Variants in RABL6 observed in about 807,000 individuals in gnomAD.
RABL6 encodes rab-like protein 6.
A neutral mutation model predicts 72.9 loss-of-function variants in RABL6; 28 were observed. The observed-to-expected ratio is 0.38, with a 90% CI of 0.28 to 0.53. The LOEUF (loss-of-function observed/expected upper bound fraction) is 0.53, where lower values mean the gene tolerates loss of function less well. RABL6 is among the 20% of genes least tolerant of loss of function. RABL6 has a pLI of 0.80. For missense variants in RABL6, 1,029 were observed against 1,008.4 expected (o/e 1.02, Z -0.28); for synonymous variants, 477 against 421.2 (o/e 1.13, Z -1.62).
chr9:136,839,265 A>T lies in RABL6; in HGVS notation c.1537A>T (p.Thr513Ser). ...GAAGCCACGGAGGGGGACAGCTCCC[A>T]CGAGGACCGCAGCACCCCCCTGGCC... ...ASKPRRGTAPTRTAAPPWPGG... is the reference protein window; with the variant it reads ...ASKPRRGTAPSRTAAPPWPGG... Residue 513 changes from threonine (T) to serine (S), a missense_variant, in exon 12 of 15, where the codon ACG becomes TCG. Transcript: ENST00000311502. 1 of 1,606,956 alleles carries T rather than the reference A, an allele frequency of 6.2e-7. No homozygotes were observed. The highest frequency in any genetic ancestry group is 8.5e-7 in the Non-Finnish European group (1 of 1,177,294).
chr9:136,840,408 G>T lies in RABL6; in HGVS notation c.2076G>T (p.Gln692His), dbSNP rs1322975964. ...GCAAGGAGGAGCGGCGACGGCGGCA[G>T]CAGCGGCCCCCGCGCAGCAGGGAGA... is the stretch of plus-strand genomic sequence containing the variant. ...EEGKEERRRR[Q>H]QRPPRSRERT... The change falls in exon 15 of 15, where the codon CAG (glutamine) becomes CAT (histidine). Residue 692 changes from glutamine (Q) to histidine (H), a missense_variant. Coordinates refer to ENST00000311502, the MANE Select transcript of RABL6 (RefSeq NM_024718.5). 1.9e-6 allele frequency: 3 copies of T among 1,550,710 alleles called. No homozygotes were observed. Among genetic ancestry groups the T allele is most frequent in the Non-Finnish European group, 2.6e-6 (3 of 1,147,190 alleles).
chr9:136,813,498 G>A (rs1003578694), intron 1 of RABL6: 3 of 455,138 alleles, frequency 6.6e-6, no homozygotes, highest in African/African-American at 6.1e-5. Flanking sequence ...ATCCATCTCT[G>A]TTCCCTGCGT....
chr9:136,821,945 C>A, intron 1 of RABL6: 2 of 1,288,940 alleles, frequency 1.6e-6, no homozygotes, highest in South Asian at 2.5e-5. Context: ...TGCCGCAGCG[C>A]TGGCCGGCGC....
chr9:136,818,055 C>T (rs1286322482), intron 1 of RABL6, among the ~76,000 whole-genome samples: 25 of 111,426 alleles, frequency 2.2e-4, no homozygotes, highest in Non-Finnish European at 4.0e-4. Context: ...GAACAAGACT[C>T]CATCTCAAAA....
At chr9:136,823,885 C>T (rs760834195) in intron 2 of RABL6, among the ~76,000 whole-genome samples, 1 of 152,230 alleles carries the variant, frequency 6.6e-6, no homozygotes, top group African/African-American at 2.4e-5. Context: ...GGAGGCTCAG[C>T]TTGGGGCAGC....
At chr9:136,828,337 C>T (rs1848400398) in intron 3 of RABL6, 157 bp from the exon 4 acceptor site, 2 of 701,282 alleles carry the variant, frequency 2.9e-6, no homozygotes, top group African/African-American at 3.6e-5. Flanking sequence ...TCCTGCTGCT[C>T]CAGAGCTTGT....
chr9:136,837,724 T>A, intron 9 of RABL6, 62 bp downstream of exon 9: 1 of 1,542,222 alleles, frequency 6.5e-7, no homozygotes, highest in Non-Finnish European at 8.8e-7. Context: ...ACAGGTGGGG[T>A]CCTGGATTTC....
intron 1 of RABL6, among the ~76,000 whole-genome samples, chr9:136,819,094 G>A (rs988136884): frequency 2.0e-5 from 3 of 151,930 alleles, no homozygotes; most frequent in Non-Finnish European, 2.9e-5. Flanking sequence ...AGGCCAAGGC[G>A]AGTGGATCAC....
intron 1 of RABL6, among the ~76,000 whole-genome samples, chr9:136,817,624 G>GAGGTC (rs1848147990): frequency 2.2e-5 from 2 of 92,042 alleles, no homozygotes; most frequent in Admixed American, 2.4e-4. Flanking sequence ...TGAGGTCTCT[G>GAGGTC]TCTGATGAGC....
At chr9:136,810,690 G>C (rs763989686) in intron 1 of RABL6, among the ~76,000 whole-genome samples, 7 of 151,972 alleles carry the variant, frequency 4.6e-5, no homozygotes, top group Non-Finnish European at 1.0e-4. Flanking sequence ...TATAGGCACC[G>C]GCCACCACGC....
At chr9:136,831,220 G>A (rs558257183) in intron 5 of RABL6, among the ~76,000 whole-genome samples, 2 of 152,172 alleles carry the variant, frequency 1.3e-5, no homozygotes, top group African/African-American at 2.4e-5. Flanking sequence ...GAGACTTGCC[G>A]TCCGTGCCAG....
At position 136,839,749 on chromosome 9, in the gene RABL6, C is replaced by T; in HGVS notation, c.1814C>T (p.Pro605Leu). The change falls in exon 13 of 15, where the codon CCT (proline) becomes CTT (leucine). Residue 605 changes from proline to leucine, a missense_variant. Physicochemically the swap from Pro to Leu is moderately conservative, Grantham distance 98. Transcript: ENST00000311502. ...PSDVTDEDEG[P>L]AEPPPPPKLP... ...GATGTGACTGACGAGGATGAGGGCCCTGCCGAGCCGCCCCCACCCCCCAAG... is the reference window on the plus strand; with the variant it reads ...GATGTGACTGACGAGGATGAGGGCCTTGCCGAGCCGCCCCCACCCCCCAAG... 2 of 1,611,260 alleles carry T rather than the reference C, an allele frequency of 1.2e-6. No homozygotes were observed. The highest frequency in any genetic ancestry group is 2.2e-5 in the South Asian group (2 of 90,944).
Position 136,839,940 on chromosome 9 carries a change from C to T in RABL6, c.1930+75C>T, listed in dbSNP as rs186816931. ...CGTGGGCCTCCTCCCAGCTGCTGGC[C>T]GCTGGCCGGGGTCCTCTCCTGAGTC... On this transcript the variant is annotated intron_variant, in intron 13 of 14. Coordinates refer to ENST00000311502, the MANE Select transcript of RABL6 (RefSeq NM_024718.5). 450 of 1,539,052 alleles carry T rather than the reference C, an allele frequency of 2.9e-4. 2 individuals carry two copies. Among genetic ancestry groups the T allele is most frequent in the South Asian group, 6.4e-4 (54 of 84,796 alleles).
chr9:136,833,378 T>A, intron 7 of RABL6: 8 of 320,378 alleles, frequency 2.5e-5, no homozygotes, highest in South Asian at 1.8e-4. Flanking sequence ...GACCTGAACC[T>A]CCTTGCCTGG....
chr9:136,832,033 C>A (rs939998568), intron 6 of RABL6, 172 bp downstream of exon 6: 2 of 1,103,256 alleles, frequency 1.8e-6, no homozygotes, highest in Admixed American at 2.8e-5. Flanking sequence ...ATGGCAGGGC[C>A]GGGAACTGTG....
At chr9:136,809,835 C>G (rs1847967792) in intron 1 of RABL6, 1 of 162,500 alleles carries the variant, frequency 6.2e-6, no homozygotes, top group Admixed American at 6.3e-5. Flanking sequence ...GTAACCCAAG[C>G]ATCAAAGGAA....
intron 1 of RABL6, among the ~76,000 whole-genome samples, chr9:136,810,546 C>A (rs1209252367): frequency 6.6e-6 from 1 of 151,888 alleles, no homozygotes; most frequent in Admixed American, 6.6e-5. Context: ...CTTTTCTTTT[C>A]TTTTTTGAGA....
intron 5 of RABL6, among the ~76,000 whole-genome samples, chr9:136,831,453 C>T (rs935188984): frequency 5.9e-5 from 9 of 152,110 alleles, no homozygotes; most frequent in African/African-American, 2.2e-4. Flanking sequence ...TGAGGGAAGG[C>T]AGGGACAGGC....
intron 1 of RABL6, chr9:136,809,755 G>A (rs1588342777): frequency 6.4e-6 from 1 of 155,420 alleles, no homozygotes; most frequent in East Asian, 1.9e-4. Context: ...CAGAAAGAAA[G>A]CGCAGCCAAC....
Sources: gnomAD v4.1 joint callset for allele counts (sites outside exome capture counted in the v4.1 genomes callset) on GRCh38, gnomAD v4.1.1 for gene constraint, MANE v1.5 for transcripts, NCBI Gene and HGNC (gene_info 2026-07-23, HGNC 2026-07-21) for gene names.